STK10: variants seen among roughly 807,000 people sequenced by gnomAD.
STK10 encodes serine/threonine kinase 10.
Under a neutral mutation model 113.8 loss-of-function variants are expected in STK10, and 78 were observed. That is an observed-to-expected ratio of 0.69 (90% CI 0.57 to 0.83). The LOEUF (loss-of-function observed/expected upper bound fraction) is 0.83. Ranked by LOEUF, STK10 falls within the 40% of genes least tolerant of loss-of-function variation. The probability of loss-of-function intolerance (pLI) is 0.00; values close to 1 mark genes in which losing one functional copy is unlikely to be tolerated. For missense variants in STK10, 1,109 were observed against 1,280.1 expected, an observed-to-expected ratio of 0.87 and a Z score of 2.04; for synonymous variants, 465 against 494.7, an observed-to-expected ratio of 0.94 and a Z score of 0.80.
At chr5:172,045,573 C>A in intron 18 of STK10, 1 of 388,154 alleles carries the variant, frequency 2.6e-6, no homozygotes. Context: ...GGGACCAAGG[C>A]CTTCTGTACT....
intron 2 of STK10, among the ~76,000 whole-genome samples, chr5:172,131,020 A>G (rs1302424232): frequency 6.7e-6 from 1 of 148,250 alleles, no homozygotes; most frequent in Non-Finnish European, 1.5e-5. Flanking sequence ...AGTTATGGAC[A>G]TGCCATCAGC....
chr5:172,058,588 T>C (rs1192861806), intron 14 of STK10, among the ~76,000 whole-genome samples: 1 of 152,162 alleles, frequency 6.6e-6, no homozygotes, highest in African/African-American at 2.4e-5. Flanking sequence ...CCTCTTGTTA[T>C]TTTTAAAACA....
chr5:172,126,056 TA>T (rs1287982759), intron 3 of STK10, among the ~76,000 whole-genome samples: 1 of 152,184 alleles, frequency 6.6e-6, no homozygotes, highest in East Asian at 1.9e-4. Flanking sequence ...GACATTATCC[TA>T]AGTGCCTCTC....
At chr5:172,142,988 G>A (rs1331944249) in intron 2 of STK10, among the ~76,000 whole-genome samples, 1 of 152,218 alleles carries the variant, frequency 6.6e-6, no homozygotes, top group East Asian at 1.9e-4. Flanking sequence ...CAGAGATAAG[G>A]AAGCCAGGAT....
chr5:172,114,626 G>GCA (rs1769333679), intron 4 of STK10: 1 of 149,966 alleles, frequency 6.7e-6, no homozygotes, highest in Non-Finnish European at 1.5e-5. Flanking sequence ...GGGACTACAG[G>GCA]CGCCCGCCAC....
At chr5:172,074,670 T>G (rs911920934) in intron 12 of STK10, among the ~76,000 whole-genome samples, 1 of 152,132 alleles carries the variant, frequency 6.6e-6, no homozygotes, top group Non-Finnish European at 1.5e-5. Flanking sequence ...GCTAATAGCA[T>G]AATCCCTAAA....
intron 12 of STK10, among the ~76,000 whole-genome samples, chr5:172,077,158 C>G (rs1228963196): frequency 6.6e-6 from 1 of 152,208 alleles, no homozygotes; most frequent in African/African-American, 2.4e-5. Flanking sequence ...AACCTGCATT[C>G]TAGTCCAGCT....
intron 2 of STK10, among the ~76,000 whole-genome samples, chr5:172,143,787 C>T (rs1460192424): frequency 1.3e-5 from 2 of 152,192 alleles, no homozygotes; most frequent in African/African-American, 4.8e-5. Flanking sequence ...AAAAAATTCC[C>T]TTCATACGAT....
intron 13 of STK10, chr5:172,061,542 C>T (rs541227322): frequency 6.7e-4 from 174 of 259,638 alleles, no homozygotes; most frequent in African/African-American, 3.7e-3. Context: ...ACCTCTGCCT[C>T]CCGCGTTCAA....
intron 1 of STK10, among the ~76,000 whole-genome samples, chr5:172,157,436 G>A (rs559311461): frequency 4.6e-5 from 7 of 152,214 alleles, no homozygotes; most frequent in South Asian, 4.1e-4. Flanking sequence ...TGCGCCTGTA[G>A]TCCCAGCTAT....
In STK10 at chr5:172,107,770, C is replaced by T; in HGVS notation, c.593+10G>A. ...CAGTCCATTCCATTTCCAGAAGCTACACGACTCACCAGTAAGGCGTGCCGA... is the reference window on the plus strand; with the variant it reads ...CAGTCCATTCCATTTCCAGAAGCTATACGACTCACCAGTAAGGCGTGCCGA... On this transcript the variant is annotated intron_variant, in intron 5 of 18. Coordinates refer to ENST00000176763, the MANE Select transcript of STK10 (RefSeq NM_005990.4). 1 of 1,613,796 alleles carries T rather than the reference C, an allele frequency of 6.2e-7. No homozygotes were observed. The highest frequency in any genetic ancestry group is 8.5e-7 in the Non-Finnish European group (1 of 1,179,728).
chr5:172,073,970 A>G (rs1768255705), intron 12 of STK10, among the ~76,000 whole-genome samples: 1 of 150,708 alleles, frequency 6.6e-6, no homozygotes, highest in Non-Finnish European at 1.5e-5. Flanking sequence ...GTCTCAAATA[A>G]TAATAATAAT....
chr5:172,097,658 T>G (rs1226888090), intron 7 of STK10, among the ~76,000 whole-genome samples: 2 of 152,232 alleles, frequency 1.3e-5, no homozygotes, highest in African/African-American at 4.8e-5. Context: ...TTCATCCTGC[T>G]GCTGCTGGAC....
At chr5:172,131,107 C>T (rs1769746582) in intron 2 of STK10, among the ~76,000 whole-genome samples, 2 of 144,450 alleles carry the variant, frequency 1.4e-5, no homozygotes, top group Non-Finnish European at 3.0e-5. Context: ...GATCTTGGCT[C>T]ACTGCAAGCT....
At chr5:172,078,339 C>T (rs56113248) in intron 12 of STK10, among the ~76,000 whole-genome samples, 25,629 of 152,068 alleles carry the variant, frequency 0.17, 2,402 homozygotes, top group African/African-American at 0.24. Context: ...TCTTACTAAA[C>T]GGTGTGAGCC....
At chr5:172,142,827 C>T (rs560544898) in intron 2 of STK10, among the ~76,000 whole-genome samples, 1 of 152,286 alleles carries the variant, frequency 6.6e-6, no homozygotes, top group Admixed American at 6.5e-5. Context: ...GATCTAAGCA[C>T]CCCATCCCTC....
intron 2 of STK10, among the ~76,000 whole-genome samples, chr5:172,145,067 G>A (rs1395397611): frequency 1.3e-5 from 2 of 152,180 alleles, no homozygotes; most frequent in Non-Finnish European, 2.9e-5. Context: ...GCCAAGATCA[G>A]GGCTAAGATC....
intron 1 of STK10, among the ~76,000 whole-genome samples, chr5:172,173,191 T>C (rs78509472): frequency 4.6e-5 from 7 of 151,808 alleles, no homozygotes; most frequent in Non-Finnish European, 4.4e-5. Flanking sequence ...AAAGTGGCGG[T>C]TGTGGGGAGG....
intron 3 of STK10, among the ~76,000 whole-genome samples, chr5:172,118,593 A>G (rs1561815055): frequency 6.6e-6 from 1 of 152,076 alleles, no homozygotes; most frequent in Non-Finnish European, 1.5e-5. Context: ...CAAAATGTCC[A>G]CTGGGGCCAG....
Sources: allele counts gnomAD v4.1 joint callset (sites outside exome capture counted in the v4.1 genomes callset), GRCh38; gene constraint gnomAD v4.1.1; transcripts MANE v1.5; gene names NCBI Gene and HGNC (gene_info 2026-07-23, HGNC 2026-07-21).